STK32A: variants seen among roughly 807,000 people sequenced by gnomAD.
The protein encoded by STK32A is serine/threonine-protein kinase 32A.
A neutral mutation model predicts 53.2 loss-of-function variants in STK32A; 41 were observed. The observed-to-expected ratio is 0.77, with a 90% CI of 0.60 to 1.00. STK32A has a LOEUF of 1.00. Ranked by LOEUF, STK32A falls within the 50% of genes least tolerant of loss-of-function variation. The probability of loss-of-function intolerance (pLI) is 0.00; values close to 1 mark genes in which losing one functional copy is unlikely to be tolerated. For synonymous variants in STK32A, 166 were observed against 162.8 expected, an observed-to-expected ratio of 1.02 and a Z score of -0.15; for missense variants, 458 against 485.8, an observed-to-expected ratio of 0.94 and a Z score of 0.54.
intron 5 of STK32A, among the ~76,000 whole-genome samples, chr5:147,328,932 A>G (rs569338051): frequency 6.6e-6 from 1 of 152,300 alleles, no homozygotes; most frequent in Admixed American, 6.5e-5. Context: ...TTTGGGTCAA[A>G]ATACCATTTG....
intron 2 of STK32A, among the ~76,000 whole-genome samples, chr5:147,257,736 G>C (rs541878957): frequency 6.6e-6 from 1 of 152,170 alleles, no homozygotes; most frequent in Admixed American, 6.5e-5. Flanking sequence ...TCCACCCTTT[G>C]ATAAGAACGT....
chr5:147,307,624 CAA>C (rs34762967), intron 4 of STK32A, among the ~76,000 whole-genome samples: 195 of 75,284 alleles, frequency 2.6e-3, no homozygotes, highest in East Asian at 0.014. Context: ...GACGCTGTCT[CAA>C]AAAAAAAAAA....
intron 7 of STK32A, among the ~76,000 whole-genome samples, chr5:147,351,383 C>G (rs893166516): frequency 2.0e-5 from 3 of 152,036 alleles, no homozygotes; most frequent in African/African-American, 7.2e-5. Context: ...CAAGGAAGAC[C>G]GTTTGTACCC....
intron 4 of STK32A, among the ~76,000 whole-genome samples, chr5:147,300,469 G>A (rs1753077215): frequency 6.6e-6 from 1 of 152,210 alleles, no homozygotes; most frequent in South Asian, 2.1e-4. Context: ...AGGCAGGTAT[G>A]TCTGTATGTT....
chr5:147,313,090 C>T (rs533488424), intron 4 of STK32A, among the ~76,000 whole-genome samples: 1 of 141,984 alleles, frequency 7.0e-6, no homozygotes, highest in African/African-American at 2.6e-5. Flanking sequence ...AAAAAATTAG[C>T]CAGTCATGGT....
chr5:147,360,286 C>T (rs1270466128), intron 7 of STK32A, among the ~76,000 whole-genome samples: 1 of 151,456 alleles, frequency 6.6e-6, no homozygotes, highest in African/African-American at 2.4e-5. Flanking sequence ...CCTATCTCTA[C>T]AAAAAGCACA....
the STK32A span, chr5:147,395,866 AG>A: frequency 9.7e-7 from 1 of 1,030,240 alleles, no homozygotes; most frequent in Non-Finnish European, 1.4e-6. Flanking sequence ...AGGGAGAAGT[AG>A]TATAAAATAA....
chr5:147,242,174 C>T (rs954617722), intron 2 of STK32A, among the ~76,000 whole-genome samples: 3 of 152,138 alleles, frequency 2.0e-5, no homozygotes, highest in Non-Finnish European at 4.4e-5. Context: ...TGAGATGAAC[C>T]CACTGCAGCA....
chr5:147,239,922 AG>A (rs1479230998), intron 2 of STK32A: 2 of 478,354 alleles, frequency 4.2e-6, no homozygotes, highest in African/African-American at 4.0e-5. Context: ...CTTTGTCCAA[AG>A]GGAGCTGCAG....
intron 5 of STK32A, among the ~76,000 whole-genome samples, chr5:147,331,394 C>A (rs942351500): frequency 6.6e-6 from 1 of 152,092 alleles, no homozygotes; most frequent in Non-Finnish European, 1.5e-5. Flanking sequence ...ATATGGGGAC[C>A]AGATTCAAAT....
intron 3 of STK32A, among the ~76,000 whole-genome samples, chr5:147,278,616 T>C (rs1242627987): frequency 2.0e-5 from 3 of 152,332 alleles, no homozygotes; most frequent in South Asian, 2.1e-4. Flanking sequence ...TTAAGAAAAA[T>C]ACATATTCAG....
chr5:147,260,126 C>G (rs531940339), intron 2 of STK32A, among the ~76,000 whole-genome samples: 1 of 140,342 alleles, frequency 7.1e-6, no homozygotes, highest in East Asian at 2.2e-4. Context: ...CCCTCTCTCT[C>G]TCTTCTCTGT....
chr5:147,279,126 A>G (rs1285956484), intron 3 of STK32A, 121 bp from the exon 4 acceptor site: 1 of 848,384 alleles, frequency 1.2e-6, no homozygotes, highest in African/African-American at 1.7e-5. Flanking sequence ...AGCTTTTAAC[A>G]TCATATAATT....
chr5:147,276,706 G>C (rs1247642993), intron 2 of STK32A, among the ~76,000 whole-genome samples: 3 of 152,138 alleles, frequency 2.0e-5, no homozygotes, highest in African/African-American at 7.2e-5. Context: ...ATGCTATAGT[G>C]GATGAAATAA....
At chr5:147,340,751 G>A (rs1045292182) in intron 5 of STK32A, among the ~76,000 whole-genome samples, 1 of 151,956 alleles carries the variant, frequency 6.6e-6, no homozygotes, top group African/African-American at 2.4e-5. Flanking sequence ...CTGAATTTGT[G>A]GTAAAAATAC....
intron 2 of STK32A, among the ~76,000 whole-genome samples, chr5:147,256,467 C>T (rs576970535): frequency 2.0e-5 from 3 of 152,286 alleles, no homozygotes; most frequent in African/African-American, 7.2e-5. Flanking sequence ...TCTTGGTATC[C>T]TGTCTTAGTT....
At chr5:147,349,681 C>CT (rs1561739273) in intron 6 of STK32A, among the ~76,000 whole-genome samples, 1 of 152,166 alleles carries the variant, frequency 6.6e-6, no homozygotes, top group Middle Eastern at 3.4e-3. Flanking sequence ...TCTACTCCTT[C>CT]TTTTTTTATG....
chr5:147,270,173 G>T (rs948708507), intron 2 of STK32A, among the ~76,000 whole-genome samples: 14 of 152,082 alleles, frequency 9.2e-5, no homozygotes, highest in African/African-American at 2.9e-4. Flanking sequence ...AACAAGAAAA[G>T]ATTGATACAT....
intron 4 of STK32A, among the ~76,000 whole-genome samples, chr5:147,318,038 C>T (rs989792623): frequency 7.9e-5 from 12 of 151,942 alleles, no homozygotes; most frequent in Non-Finnish European, 1.8e-4. Context: ...ATTTATGTAA[C>T]TATCTTATTT....
Sources: gnomAD v4.1 joint callset for allele counts (sites outside exome capture counted in the v4.1 genomes callset) on GRCh38, gnomAD v4.1.1 for gene constraint, MANE v1.5 for transcripts, NCBI Gene and HGNC (gene_info 2026-07-23, HGNC 2026-07-21) for gene names.